The following LRPPRC variants were observed in gnomAD, a reference collection of about 807,000 sequenced individuals.
LRPPRC encodes the protein leucine-rich PPR motif-containing protein, mitochondrial.
A neutral mutation model predicts 180.3 loss-of-function variants in LRPPRC; 120 were observed. The observed-to-expected ratio is 0.67, with a 90% CI of 0.57 to 0.77. The LOEUF (loss-of-function observed/expected upper bound fraction) is 0.77, where lower values mean the gene tolerates loss of function less well. LRPPRC is among the 30% of genes least tolerant of loss of function. LRPPRC has a pLI of 0.00. For missense variants in LRPPRC, 2,012 were observed against 1,657.2 expected (o/e 1.21, Z -3.72); for synonymous variants, 723 against 600.0 (o/e 1.21, Z -3.00).
chr2:43,989,265 G>A (rs935678166), intron 1 of LRPPRC, among the ~76,000 whole-genome samples: 3 of 152,136 alleles, frequency 2.0e-5, no homozygotes, highest in Admixed American at 1.3e-4. Context: ...TATGCTTTAT[G>A]GTAAATCACA....
Position 43,912,572 on chromosome 2 carries a change from C to T in LRPPRC, c.3149-14G>A, listed in dbSNP as rs755514846. On this transcript the variant is annotated splice_polypyrimidine_tract_variant and intron_variant, in intron 29 of 37. Transcript: ENST00000260665. Reference sequence around the variant, plus strand: ...TATCATATGCCCCTATGAGAGAAAACAGACAAAAAAAATGAGATGACATTA... The same window carrying T: ...TATCATATGCCCCTATGAGAGAAAATAGACAAAAAAAATGAGATGACATTA... The T allele has an allele frequency of 6.2e-7, 1 of 1,604,060 alleles. No individual in the cohort carries two copies.
In LRPPRC at chr2:43,992,983, A is replaced by G. The variant is rs114287126; in HGVS notation, c.149+2816T>C. 5.9e-3 allele frequency among the ~76,000 whole-genome samples: 903 copies of G among 152,352 alleles called. 9 individuals are homozygous for G. The highest frequency in any genetic ancestry group is 0.021 in the African/African-American group (859 of 41,576). On this transcript the variant is annotated intron_variant, in intron 1 of 37. Coordinates refer to ENST00000260665, the MANE Select transcript of LRPPRC (RefSeq NM_133259.4). ...GTTGAGAAAACACAGAAGGACCACG[A>G]GTAAAACTACCAAGAACATCAGCAT...
intron 14 of LRPPRC, among the ~76,000 whole-genome samples, chr2:43,955,094 A>G (rs1250989539): frequency 6.6e-6 from 1 of 152,126 alleles, no homozygotes; most frequent in Admixed American, 6.5e-5. Flanking sequence ...AATTATAGTC[A>G]TAATTTTATA....
intron 1 of LRPPRC, among the ~76,000 whole-genome samples, chr2:43,993,234 T>C (rs1304294428): frequency 2.0e-5 from 3 of 152,196 alleles, no homozygotes; most frequent in African/African-American, 7.2e-5. Flanking sequence ...CATAAGTCAT[T>C]AGAAGGACAG....
Position 43,918,858 on chromosome 2 carries a change from TATAG to T in LRPPRC, c.2897-464_2897-461del, listed in dbSNP as rs550465421. 9.8e-4 allele frequency among the ~76,000 whole-genome samples: 146 copies of T among 148,776 alleles called. No homozygotes were observed. In the Middle Eastern group the frequency reaches 0.011, roughly 11 times the overall value. ...ATATCTCTATATATAGAGATATATA[TATAG>T]ATATAGATAGATAGATATATGGCAT... On this transcript the variant is annotated intron_variant, in intron 27 of 37. Transcript: ENST00000260665.
At chr2:43,932,153 A>AAAAAAAAAAT (rs1672114749) in intron 25 of LRPPRC, among the ~76,000 whole-genome samples, 2 of 144,102 alleles carry the variant, frequency 1.4e-5, no homozygotes, top group East Asian at 1.9e-4. Context: ...AAAAAAAAAA[A>AAAAAAAAAAT]GACTGGAGAC....
At chr2:43,935,480 T>C (rs1028520184) in intron 23 of LRPPRC, among the ~76,000 whole-genome samples, 1 of 152,240 alleles carries the variant, frequency 6.6e-6, no homozygotes, top group Non-Finnish European at 1.5e-5. Flanking sequence ...TTCGTGTTGG[T>C]CAGTGAATTC....
At position 43,974,627 on chromosome 2, in the gene LRPPRC, T is replaced by C. The variant is rs1448455662; in HGVS notation, c.996A>G (p.Arg332=). The stretch of plus-strand genomic sequence containing the variant: ...TTTTAAAACTACCTGGAATATATCT[T>C]CTTTCACATGTAACTTTTTCCAAAA... ...SEILEKVTCE[R]RYIPDAMNLI... is the part of the protein sequence containing the mutation. The change falls in exon 8 of 38, where the codon AGA becomes AGG. Residue 332 remains arginine, a synonymous_variant. Transcript: ENST00000260665. 6.3e-7 allele frequency: 1 copy of C among 1,592,378 alleles called. No individual in the cohort carries two copies. The highest frequency in any genetic ancestry group is 8.6e-7 in the Non-Finnish European group (1 of 1,160,724).
In LRPPRC at chr2:43,894,545, C is replaced by G. The variant is rs200803805; in HGVS notation, c.3985G>C (p.Val1329Leu). The change falls in exon 36 of 38, where the codon GTC becomes CTC. Residue 1329 changes from valine to leucine, a missense_variant and splice_region_variant. Physicochemically the swap from Val to Leu is conservative, Grantham distance 32 (BLOSUM62 1). Transcript: ENST00000260665. Reference sequence around the variant, plus strand: ...TATAGTCAAATTAAACTTATATTACCATAGCTTTTCATGAGGGAATTGTAT... The same window carrying G: ...TATAGTCAAATTAAACTTATATTACGATAGCTTTTCATGAGGGAATTGTAT... ...EAYNSLMKSY[V>L]SEKDVTSAKA... The G allele has an allele frequency of 7.2e-7, 1 of 1,391,936 alleles. No homozygotes were observed. Among genetic ancestry groups the G allele is most frequent in the Non-Finnish European group, 1.0e-6 (1 of 978,094 alleles). The allele number at this position is 1,391,936 out of a possible 1,614,324, so 86.2% of individuals were successfully genotyped here.
rs189633609 is a variant in LRPPRC, at chr2:43,947,587, G to A, written c.1965+144C>T. On this transcript the variant is annotated intron_variant, in intron 19 of 37. Transcript: ENST00000260665. ...TCTTAGATATGTTGATTTTTCTGAG[G>A]TGGGGAACAGGTTTTACCAACTTCT... 9 of 672,026 alleles carry A rather than the reference G, an allele frequency of 1.3e-5. No homozygotes were observed. In the Admixed American group the frequency reaches 1.6e-4, roughly 12 times the overall value. 41.6% of individuals were successfully genotyped at this position (672,026 alleles called of 1,614,324 possible).
chr2:43,971,373 A>G (rs1673796333), intron 11 of LRPPRC, among the ~76,000 whole-genome samples: 1 of 149,840 alleles, frequency 6.7e-6, no homozygotes, highest in Admixed American at 6.7e-5. Flanking sequence ...GTAATTATAA[A>G]TATCTTTCTT....
At chr2:43,977,979 C>G (rs1283685472) in intron 3 of LRPPRC, among the ~76,000 whole-genome samples, 1 of 152,216 alleles carries the variant, frequency 6.6e-6, no homozygotes, top group Non-Finnish European at 1.5e-5. Context: ...TGGTTAGTAT[C>G]TGGGGGTGAG....
chr2:43,969,365 T>TCG (rs1364847368), intron 11 of LRPPRC, among the ~76,000 whole-genome samples: 1 of 147,910 alleles, frequency 6.8e-6, no homozygotes, highest in African/African-American at 2.5e-5. Context: ...TGAGCCGACA[T>TCG]CACCACTGCA....
intron 26 of LRPPRC, 80 bp from the exon 27 acceptor site, chr2:43,925,237 T>C (rs998104193): frequency 1.2e-6 from 1 of 832,296 alleles, no homozygotes; most frequent in African/African-American, 1.7e-5. Context: ...TGGAATAATC[T>C]TTCAAATTAG....
chr2:43,978,235 T>C (rs1236941028), intron 3 of LRPPRC, among the ~76,000 whole-genome samples: 1 of 152,150 alleles, frequency 6.6e-6, no homozygotes, highest in African/African-American at 2.4e-5. Flanking sequence ...ATCTCTTGTA[T>C]CTTTATAAAT....
At chr2:43,971,511 A>T (rs535340639) in intron 11 of LRPPRC, among the ~76,000 whole-genome samples, 72 of 148,588 alleles carry the variant, frequency 4.8e-4, no homozygotes, top group African/African-American at 1.4e-3. Flanking sequence ...AAAAGAAAAA[A>T]ATATATATAT....
intron 22 of LRPPRC, 31 bp from the exon 23 acceptor site, chr2:43,943,925 G>C: frequency 6.7e-7 from 1 of 1,500,412 alleles, no homozygotes. Flanking sequence ...AGACCCTTAG[G>C]TAATTTCATG....
intron 25 of LRPPRC, among the ~76,000 whole-genome samples, chr2:43,927,943 G>A (rs1249387612): frequency 6.6e-6 from 1 of 152,150 alleles, no homozygotes; most frequent in Admixed American, 6.5e-5. Flanking sequence ...TTTAAAAACT[G>A]CAAGTTGAAA....
intron 27 of LRPPRC, among the ~76,000 whole-genome samples, chr2:43,919,405 T>G (rs143998113): frequency 6.4e-4 from 98 of 152,200 alleles, no homozygotes; most frequent in Non-Finnish European, 1.6e-4. Flanking sequence ...CTACAAACCT[T>G]TTCACTTAGT....
Sources: allele counts gnomAD v4.1 joint callset (sites outside exome capture counted in the v4.1 genomes callset), GRCh38; gene constraint gnomAD v4.1.1; transcripts MANE v1.5; gene names NCBI Gene and HGNC (gene_info 2026-07-23, HGNC 2026-07-21).